The following ZP3 variants were observed in gnomAD, a reference collection of about 807,000 sequenced individuals.
ZP3 encodes the protein zona pellucida glycoprotein 3.
In ZP3, 21 loss-of-function variants were observed where a neutral mutation model predicts 35.6. The ratio of observed to expected loss-of-function variants is 0.59; its 90% CI spans 0.42 to 0.85. The LOEUF is 0.85. Ranked by LOEUF, ZP3 falls within the 40% of genes least tolerant of loss-of-function variation. The pLI, the probability that ZP3 is intolerant of heterozygous loss-of-function variation, is 0.00. For synonymous variants in ZP3, 207 were observed against 214.5 expected (o/e 0.96, Z 0.31); for missense variants, 437 against 536.5 (o/e 0.81, Z 1.83).
chr7:76,398,716 G>A (rs377060944), intron 1 of ZP3: 43 of 1,612,568 alleles, frequency 2.7e-5, no homozygotes, highest in Non-Finnish European at 3.4e-5. Context: ...TTATGCTTAC[G>A]TACTTTTTCC....
chr7:76,397,563 C>T (rs1384555498), exon 1 of ZP3: 1 of 1,604,550 alleles, frequency 6.2e-7, no homozygotes, highest in South Asian at 1.1e-5. Flanking sequence ...CAGTTGTGCA[C>T]ACCCCAGCCC....
chr7:76,400,947 T>A, intron 1 of ZP3: 2 of 1,549,176 alleles, frequency 1.3e-6, no homozygotes, highest in Non-Finnish European at 1.7e-6. Flanking sequence ...TGGTTCCCTG[T>A]CTGAGGCTGG....
chr7:76,441,360 G>C (rs576108492), intron 7 of ZP3, among the ~76,000 whole-genome samples: 1 of 150,358 alleles, frequency 6.7e-6, no homozygotes. Flanking sequence ...TGCTTTCTCC[G>C]TATGAGAAAG....
intron 2 of ZP3, among the ~76,000 whole-genome samples, chr7:76,432,338 G>A (rs762079977): frequency 5.3e-5 from 8 of 151,928 alleles, no homozygotes; most frequent in Non-Finnish European, 8.8e-5. Context: ...AAAGGCGCCC[G>A]CCACCATGCC....
intron 1 of ZP3, among the ~76,000 whole-genome samples, chr7:76,399,365 A>G (rs1451846669): frequency 6.6e-6 from 1 of 152,124 alleles, no homozygotes; most frequent in Non-Finnish European, 1.5e-5. Context: ...TTAGCGATGC[A>G]GATTCTCAGG....
Position 76,417,943 on chromosome 7 carries a change from T to TC in ZP3, c.-66-7109_-66-7108insC, listed in dbSNP as rs201095864. Among the ~76,000 whole-genome samples, 317 of 89,966 alleles carry TC rather than the reference T, an allele frequency of 3.5e-3. 2 individuals are homozygous for TC. Among genetic ancestry groups the TC allele is most frequent in the African/African-American group, 0.011 (288 of 25,876 alleles). The allele number at this position is 89,966 out of a possible 152,430, so 59.0% of individuals were successfully genotyped here. On this transcript the variant is annotated intron_variant, in intron 1 of 8. Transcript: ENST00000336517. ...ATAGTGCTTTCTTTCTTTCTTTCTT[T>TC]TTTTTTTTTTTTGAGACACAATCTC...
intron 1 of ZP3, among the ~76,000 whole-genome samples, chr7:76,428,239 T>G (rs902200834): frequency 1.3e-4 from 19 of 151,662 alleles, no homozygotes; most frequent in Admixed American, 1.2e-3. Context: ...GAGAATTGCT[T>G]GAACCTGGGA....
chr7:76,440,177 T>C, intron 5 of ZP3, 73 bp from the exon 6 acceptor site: 1 of 1,503,816 alleles, frequency 6.6e-7, no homozygotes, highest in Non-Finnish European at 9.1e-7. Context: ...TTGAGGGTTA[T>C]AAGAGAACTG....
At chr7:76,423,072 AAAGAAAG>A (rs1805561511), upstream of ZP3, among the ~76,000 whole-genome samples, 2 of 146,416 alleles carry the variant, frequency 1.4e-5, no homozygotes, top group South Asian at 2.2e-4. Flanking sequence ...AGAAAGAAAG[AAAGAAAG>A]AAAGAAAAGA....
chr7:76,415,987 G>A (rs1001898734), intron 1 of ZP3, among the ~76,000 whole-genome samples: 2 of 151,058 alleles, frequency 1.3e-5, no homozygotes, highest in Admixed American at 6.6e-5. Context: ...AAAATTAGCC[G>A]GGTGTGGTGT....
At chr7:76,416,675 T>C (rs1191375190) in intron 1 of ZP3, among the ~76,000 whole-genome samples, 1 of 151,742 alleles carries the variant, frequency 6.6e-6, no homozygotes, top group Admixed American at 6.6e-5. Context: ...GGCATGCACC[T>C]GTAGTCCCAA....
intron 1 of ZP3, chr7:76,398,669 G>T: frequency 6.3e-7 from 1 of 1,577,718 alleles, no homozygotes; most frequent in Non-Finnish European, 8.7e-7. Context: ...GGTAGGGTGT[G>T]AGAGACTCCT....
intron 1 of ZP3, chr7:76,409,803 C>A (rs1805191924): frequency 7.1e-6 from 1 of 141,052 alleles, no homozygotes; most frequent in African/African-American, 2.5e-5. Context: ...GTTCAGGTTT[C>A]AGGAAGGCCT....
At chr7:76,415,479 T>G (rs1805347882) in intron 1 of ZP3, among the ~76,000 whole-genome samples, 1 of 151,442 alleles carries the variant, frequency 6.6e-6, no homozygotes, top group African/African-American at 2.4e-5. Context: ...TTATTTTAGA[T>G]TTTATTTTAT....
At chr7:76,439,558 TA>T (rs1476701823) in intron 5 of ZP3, among the ~76,000 whole-genome samples, 1 of 149,412 alleles carries the variant, frequency 6.7e-6, no homozygotes, top group African/African-American at 2.4e-5. Flanking sequence ...AATCCAAAAT[TA>T]GCCAGGTGTA....
upstream of ZP3, among the ~76,000 whole-genome samples, chr7:76,422,352 C>A (rs978346411): frequency 1.8e-4 from 27 of 152,128 alleles, no homozygotes; most frequent in African/African-American, 6.3e-4. Flanking sequence ...CCTACCCCAA[C>A]CATGGGTCCT....
chr7:76,400,386 C>G, intron 1 of ZP3: 1 of 1,595,530 alleles, frequency 6.3e-7, no homozygotes, highest in Non-Finnish European at 8.6e-7. Flanking sequence ...CGCGGCACTC[C>G]ACGTTGTCCA....
rs140732290 is a variant in ZP3 at position 76,397,907 on chromosome 7, G to C, written c.-67+110G>C. On this transcript the variant is annotated intron_variant, in intron 1 of 8. Coordinates refer to the ZP3 transcript ENST00000336517. Reference sequence around the variant, plus strand: ...CCGTCCGCACCGCAAGGGCAGCCCGGTGTCCCAGGATCTACAACCCTTGGG... The same window carrying C: ...CCGTCCGCACCGCAAGGGCAGCCCGCTGTCCCAGGATCTACAACCCTTGGG... 3.4e-5 allele frequency: 48 copies of C among 1,406,736 alleles called. No individual in the cohort carries two copies. The Middle Eastern group carries it at 8.3e-4, about 24-fold the overall frequency. 87.1% of individuals were successfully genotyped at this position (1,406,736 alleles called of 1,614,324 possible). A position where few individuals can be genotyped will look rare whatever the true frequency, so the allele number is the denominator to read the frequency against.
intron 1 of ZP3, chr7:76,400,984 G>A (rs1162848815): frequency 1.3e-6 from 2 of 1,551,086 alleles, no homozygotes; most frequent in South Asian, 1.2e-5. Flanking sequence ...GTGAGGGTGA[G>A]GAAGGGCGGG....
Sources: gnomAD v4.1 joint callset for allele counts (sites outside exome capture counted in the v4.1 genomes callset) on GRCh38, gnomAD v4.1.1 for gene constraint, MANE v1.5 for transcripts, NCBI Gene and HGNC (gene_info 2026-07-23, HGNC 2026-07-21) for gene names.